HECW2: variants seen among roughly 807,000 people sequenced by gnomAD.
The protein encoded by HECW2 is E3 ubiquitin-protein ligase HECW2.
Under a neutral mutation model 175.2 loss-of-function variants are expected in HECW2, and 61 were observed. The observed-to-expected ratio is 0.35, with a 90% CI of 0.28 to 0.43. The LOEUF (loss-of-function observed/expected upper bound fraction) is 0.43, where lower values mean the gene tolerates loss of function less well. HECW2 is among the 20% of genes least tolerant of loss of function. The pLI is 1.00. For missense variants in HECW2, 1,524 were observed against 2,000.5 expected, an observed-to-expected ratio of 0.76 and a Z score of 4.54; for synonymous variants, 671 against 731.0, an observed-to-expected ratio of 0.92 and a Z score of 1.32.
At chr2:196,383,781 A>T (rs551360137) in intron 2 of HECW2, among the ~76,000 whole-genome samples, 1 of 152,364 alleles carries the variant, frequency 6.6e-6, no homozygotes, top group Non-Finnish European at 1.5e-5. Flanking sequence ...AAACTAAATC[A>T]TTCAGTAGTG....
At position 196,292,710 on chromosome 2, in the gene HECW2, T is replaced by C; in HGVS notation, c.2855A>G (p.His952Arg). 1 of 1,614,024 alleles carries C rather than the reference T, an allele frequency of 6.2e-7. No individual in the cohort carries two copies. Among genetic ancestry groups the C allele is most frequent in the South Asian group, 1.1e-5 (1 of 91,068 alleles). The change falls in exon 14 of 29, where the codon CAC becomes CGC. Residue 952 changes from histidine (H) to arginine (R), a missense_variant. Around this residue, in one of 11 missense-constraint regions of HECW2, gnomAD observed 291 missense variants for 412.2 expected, o/e 0.71. Transcript: ENST00000644978. ...RMFTNNTCLKHMITKVRRDTH... is the reference protein window; with the variant it reads ...RMFTNNTCLKRMITKVRRDTH... ...GTCCCTCCGGACTTTGGTGATCATGTGCTTCAAACACGTGTTGTTTGTAAA... is the reference window on the plus strand; with the variant it reads ...GTCCCTCCGGACTTTGGTGATCATGCGCTTCAAACACGTGTTGTTTGTAAA...
intron 1 of HECW2, among the ~76,000 whole-genome samples, chr2:196,491,601 T>C (rs1169028839): frequency 1.3e-5 from 2 of 151,438 alleles, no homozygotes; most frequent in African/African-American, 4.9e-5. Context: ...TATATATACA[T>C]ATATATTAGA....
intron 23 of HECW2, among the ~76,000 whole-genome samples, chr2:196,223,698 GCTCCT>G (rs1228437533): frequency 1.3e-5 from 2 of 152,148 alleles, no homozygotes; most frequent in African/African-American, 4.8e-5. Flanking sequence ...ATTATAAACA[GCTCCT>G]CTGGAAGTCC....
chr2:196,560,102 G>T (rs1689944174), intron 1 of HECW2, among the ~76,000 whole-genome samples: 1 of 152,286 alleles, frequency 6.6e-6, no homozygotes, highest in Admixed American at 6.5e-5. Flanking sequence ...ATTAGGGCCT[G>T]AGAGTCTGTA....
rs534822999 is a variant in HECW2, at chr2:196,461,567, C to G, written c.-35-28109G>C. ...TCCATTTTTACACTGCTATCAAGAA[C>G]TGCCCAAGACTGGGTAATTTATAAA... On this transcript the variant is annotated intron_variant, in intron 1 of 28. Transcript: ENST00000644978. 7.9e-5 allele frequency among the ~76,000 whole-genome samples: 12 copies of G among 152,306 alleles called. No homozygotes were observed. In the South Asian group the frequency reaches 2.5e-3, roughly 32 times the overall value.
rs566466191 is a variant in HECW2, at chr2:196,488,414, C to T, written c.-35-54956G>A. Among the ~76,000 whole-genome samples the T allele has an allele frequency of 2.1e-4, 32 of 152,288 alleles. No homozygotes were observed. In the South Asian group the frequency reaches 3.3e-3, roughly 16 times the overall value. On this transcript the variant is annotated intron_variant, in intron 1 of 28. Transcript: ENST00000644978. ...CACAAAACAGCAATTCTTTCTCTTT[C>T]TTCTTTATCTTTCTGAATTGACTAA... is the stretch of plus-strand genomic sequence containing the variant.
chr2:196,264,762 T>C (rs184615024), intron 17 of HECW2, among the ~76,000 whole-genome samples: 131 of 152,332 alleles, frequency 8.6e-4, no homozygotes, highest in Admixed American at 2.2e-3. Context: ...ATACGTGATA[T>C]ACAATTCAAA....
chr2:196,546,121 T>C (rs1047366631), intron 1 of HECW2, among the ~76,000 whole-genome samples: 1 of 152,218 alleles, frequency 6.6e-6, no homozygotes, highest in African/African-American at 2.4e-5. Flanking sequence ...CAAAAGTGCA[T>C]GTTTGCAAAT....
chr2:196,307,284 C>T (rs748020428), intron 11 of HECW2, 51 bp from the exon 12 acceptor site: 2 of 1,214,642 alleles, frequency 1.6e-6, no homozygotes, highest in South Asian at 1.2e-5. Flanking sequence ...AGAGATGGGA[C>T]TCAACTGCTC....
intron 1 of HECW2, among the ~76,000 whole-genome samples, chr2:196,512,191 G>A (rs1310748883): frequency 6.6e-6 from 1 of 152,182 alleles, no homozygotes; most frequent in South Asian, 2.1e-4. Context: ...GAGAATGCAG[G>A]ACCCACGGGG....
intron 1 of HECW2, among the ~76,000 whole-genome samples, chr2:196,444,032 G>T (rs1169290807): frequency 1.3e-5 from 2 of 152,084 alleles, no homozygotes; most frequent in Non-Finnish European, 2.9e-5. Context: ...GAGACCCTGT[G>T]GCAAAAATAA....
intron 22 of HECW2, among the ~76,000 whole-genome samples, chr2:196,227,560 A>C (rs1201594132): frequency 4.1e-5 from 2 of 49,144 alleles, no homozygotes. Context: ...CCCTTCTACC[A>C]TCAATGCCCC....
chr2:196,564,143 A>G (rs1321272631), intron 1 of HECW2, among the ~76,000 whole-genome samples: 1 of 152,216 alleles, frequency 6.6e-6, no homozygotes, highest in Non-Finnish European at 1.5e-5. Flanking sequence ...CTTGCCAAAA[A>G]AAGTGAATCT....
chr2:196,240,367 C>A, intron 21 of HECW2, 82 bp downstream of exon 21: 1 of 982,728 alleles, frequency 1.0e-6, no homozygotes, highest in Non-Finnish European at 1.5e-6. Flanking sequence ...TTTCCTGTTT[C>A]AGGCAACCAC....
chr2:196,312,383 C>T (rs11689924), intron 10 of HECW2, among the ~76,000 whole-genome samples: 12,189 of 152,034 alleles, frequency 0.08, 545 homozygotes, highest in East Asian at 0.13. Context: ...ACCAAAATGG[C>T]GAGATGATTA....
intron 1 of HECW2, among the ~76,000 whole-genome samples, chr2:196,467,162 AATT>A (rs1183471455): frequency 1.2e-4 from 18 of 152,188 alleles, no homozygotes; most frequent in African/African-American, 3.9e-4. Flanking sequence ...GTAAATTGTA[AATT>A]ATTATAATTT....
At chr2:196,591,198 G>A (rs909832693) in intron 1 of HECW2, among the ~76,000 whole-genome samples, 1 of 152,208 alleles carries the variant, frequency 6.6e-6, no homozygotes, top group Non-Finnish European at 1.5e-5. Context: ...AGAGGCGATG[G>A]TGAAGCGAAT....
intron 6 of HECW2, among the ~76,000 whole-genome samples, chr2:196,324,562 A>G (rs1459597667): frequency 6.6e-6 from 1 of 152,226 alleles, no homozygotes; most frequent in African/African-American, 2.4e-5. Flanking sequence ...ACAACAAAAT[A>G]TCAAAATTTT....
At chr2:196,589,437 C>T (rs1002594552) in intron 1 of HECW2, among the ~76,000 whole-genome samples, 56 of 152,110 alleles carry the variant, frequency 3.7e-4, no homozygotes, top group Non-Finnish European at 7.2e-4. Context: ...GAATCCAAAC[C>T]CTTGCCAGGT....
Sources: allele counts gnomAD v4.1 joint callset (sites outside exome capture counted in the v4.1 genomes callset), GRCh38; gene constraint gnomAD v4.1.1; regional missense constraint gnomAD v4.1.1; transcripts MANE v1.5; gene names NCBI Gene and HGNC (gene_info 2026-07-23, HGNC 2026-07-21).